NBEAL1: variants seen among roughly 807,000 people sequenced by gnomAD.
NBEAL1 encodes the protein neurobeachin like 1, also known as neurobeachin-like protein 1.
Under a neutral mutation model 351.3 loss-of-function variants are expected in NBEAL1, and 273 were observed. The ratio of observed to expected loss-of-function variants is 0.78; its 90% CI spans 0.70 to 0.86. The LOEUF (loss-of-function observed/expected upper bound fraction) is 0.86, where lower values mean the gene tolerates loss of function less well. Ranked by LOEUF, NBEAL1 falls within the 40% of genes least tolerant of loss-of-function variation. The probability of loss-of-function intolerance (pLI) is 0.00; values close to 1 mark genes in which losing one functional copy is unlikely to be tolerated. For missense variants in NBEAL1, 2,961 were observed against 3,201.3 expected (o/e 0.92, Z 1.81); for synonymous variants, 1,050 against 1,086.4 (o/e 0.97, Z 0.66).
intron 18 of NBEAL1, among the ~76,000 whole-genome samples, chr2:203,120,505 C>G (rs1266890033): frequency 2.6e-5 from 4 of 152,008 alleles, no homozygotes; most frequent in African/African-American, 9.7e-5. Flanking sequence ...TTTTAAAAGA[C>G]AAGGTTGAGC....
rs1229602888 is a variant in NBEAL1, at chr2:203,224,775, C to T, written c.*7421C>T. Reference sequence around the variant, plus strand: ...TATTTATATCTAATTATTGACTGTGCAAACTGTGACTCAGTGGATATTTGT... The same window carrying T: ...TATTTATATCTAATTATTGACTGTGTAAACTGTGACTCAGTGGATATTTGT... On this transcript the variant is annotated 3_prime_UTR_variant, in exon 56 of 56. Coordinates refer to ENST00000683969, the MANE Select transcript of NBEAL1 (RefSeq NM_001378026.1). Among the ~76,000 whole-genome samples the T allele has an allele frequency of 6.6e-6, 1 of 152,116 alleles. No homozygotes were observed. Among genetic ancestry groups the T allele is most frequent in the Non-Finnish European group, 1.5e-5 (1 of 67,990 alleles).
chr2:203,176,525 G>C (rs1038040485), intron 42 of NBEAL1, among the ~76,000 whole-genome samples: 1 of 151,936 alleles, frequency 6.6e-6, no homozygotes, highest in African/African-American at 2.4e-5. Flanking sequence ...AGAATTTCAA[G>C]ACCAGCCTGG....
intron 44 of NBEAL1, among the ~76,000 whole-genome samples, chr2:203,183,979 G>A (rs758720448): frequency 2.0e-5 from 3 of 151,376 alleles, no homozygotes; most frequent in Non-Finnish European, 2.9e-5. Context: ...TCAGGAGGCT[G>A]AGGCAGGAGA....
chr2:203,205,754 T>C (rs2065534731), intron 51 of NBEAL1, among the ~76,000 whole-genome samples: 1 of 152,042 alleles, frequency 6.6e-6, no homozygotes, highest in South Asian at 2.1e-4. Flanking sequence ...ATGCAATCTT[T>C]ACCAAATAAA....
At chr2:203,174,902 AAAATGAAAACTAT>A (rs2064449129) in intron 41 of NBEAL1, among the ~76,000 whole-genome samples, 1 of 151,612 alleles carries the variant, frequency 6.6e-6, no homozygotes, top group Non-Finnish European at 1.5e-5. Context: ...AATAAAAATA[AAAATGAAAACTAT>A]TCCAGAATTA....
At chr2:203,206,673 G>C (rs555343864) in intron 51 of NBEAL1, among the ~76,000 whole-genome samples, 1 of 151,932 alleles carries the variant, frequency 6.6e-6, no homozygotes, top group African/African-American at 2.4e-5. Flanking sequence ...CGCCAGCCTC[G>C]GCCTCCCGAG....
chr2:203,057,323 C>T lies in NBEAL1; in HGVS notation c.388-3C>T. The T allele has an allele frequency of 1.9e-6, 3 of 1,544,124 alleles. No homozygotes were observed. Among genetic ancestry groups the T allele is most frequent in the Non-Finnish European group, 2.6e-6 (3 of 1,142,538 alleles). ...TTTAATTTATGTTTAACTTTGTTCT[C>T]AGTTAAAAAGCAAAAAAAAAGAGAA... On this transcript the variant is annotated splice_region_variant and splice_polypyrimidine_tract_variant and intron_variant, in intron 5 of 55. Transcript: ENST00000683969.
rs117804973 is a variant in NBEAL1, at chr2:203,145,475, G to A, written c.5304+315G>A. On this transcript the variant is annotated intron_variant, in intron 33 of 55. Transcript: ENST00000683969. ...AATGTTTATATTAGAAAAGAAAAAG[G>A]CATCAAATTTTAAGTTTCTACCTTA... Among the ~76,000 whole-genome samples, 27 of 152,172 alleles carry A rather than the reference G, an allele frequency of 1.8e-4. 1 individual carries two copies. In the East Asian group the frequency reaches 5.0e-3, roughly 28 times the overall value.
At position 203,135,887 on chromosome 2, in the gene NBEAL1, G is replaced by A. The variant is rs1267574529; in HGVS notation, c.4024G>A (p.Glu1342Lys). 2 of 1,614,036 alleles carry A rather than the reference G, an allele frequency of 1.2e-6. No homozygotes were observed. The highest frequency in any genetic ancestry group is 1.7e-6 in the Non-Finnish European group (2 of 1,179,964). ...GAAGAACTCTGATGAAAAAACAGAT[G>A]AGGAAAAAATCACCTCTTTTGCCTC... ...TKKNSDEKTD[E>K]EKITSFASAN... is the part of the protein sequence containing the mutation. The change falls in exon 28 of 56, where the codon GAG becomes AAG. Residue 1342 changes from glutamate (E) to lysine (K), a missense_variant. Glu to Lys is a moderately conservative substitution (Grantham distance 56). Transcript: ENST00000683969.
Position 203,113,019 on chromosome 2 carries a change from T to C in NBEAL1, c.2207T>C (p.Phe736Ser), listed in dbSNP as rs910807226. 6 of 1,459,778 alleles carry C rather than the reference T, an allele frequency of 4.1e-6. No homozygotes were observed. Among genetic ancestry groups the C allele is most frequent in the Non-Finnish European group, 5.4e-6 (6 of 1,102,436 alleles). The allele number at this position is 1,459,778 out of a possible 1,614,324, so 90.4% of individuals were successfully genotyped here. A position where few individuals can be genotyped will look rare whatever the true frequency, so the allele number is the denominator to read the frequency against. The change falls in exon 17 of 56, where the codon TTT (phenylalanine) becomes TCT (serine). Residue 736 changes from phenylalanine to serine, a missense_variant. Physicochemically the swap from Phe to Ser is radical, Grantham distance 155. Coordinates refer to ENST00000683969, the MANE Select transcript of NBEAL1 (RefSeq NM_001378026.1). ...AATTTGTTTGTTTGTTTTTAGCCCTTTACTTCCTGTTGCATTGGTTCAGCT... is the reference window on the plus strand; with the variant it reads ...AATTTGTTTGTTTGTTTTTAGCCCTCTACTTCCTGTTGCATTGGTTCAGCT... Reference protein sequence around the residue: ...PLRFPAMNEPFTSCCIGSAGQ... With the variant: ...PLRFPAMNEPSTSCCIGSAGQ...
At chr2:203,023,897 G>C (rs2105998728) in intron 2 of NBEAL1, among the ~76,000 whole-genome samples, 1 of 152,304 alleles carries the variant, frequency 6.6e-6, no homozygotes, top group East Asian at 1.9e-4. Context: ...GAAGAAGACA[G>C]AGTTTTGGAA....
At chr2:203,186,951 A>T (rs1280803376) in intron 44 of NBEAL1, among the ~76,000 whole-genome samples, 1 of 152,188 alleles carries the variant, frequency 6.6e-6, no homozygotes, top group Non-Finnish European at 1.5e-5. Context: ...AATCTTTCTG[A>T]GGTCTCAACA....
At position 203,223,679 on chromosome 2, in the gene NBEAL1, G is replaced by A. The variant is rs2065979226; in HGVS notation, c.*6325G>A. Among the ~76,000 whole-genome samples the A allele has an allele frequency of 6.6e-6, 1 of 151,954 alleles. No individual in the cohort carries two copies. The highest frequency in any genetic ancestry group is 1.5e-5 in the Non-Finnish European group (1 of 67,906). ...TTTTGGTAATATTTCAACTTAAGAT[G>A]TATTAAAACTAGCAATTCTGTGGTA... On this transcript the variant is annotated 3_prime_UTR_variant, in exon 56 of 56. Transcript: ENST00000683969.
rs559150782 is a variant in NBEAL1, at chr2:203,142,167, T to G, written c.4849-2433T>G. On this transcript the variant is annotated intron_variant, in intron 31 of 55. Transcript: ENST00000683969. ...AGACTAGGGCATCAGTATTTTTTTT[T>G]GTTTTTGAGACAGAGTCTTGCTCTT... is the stretch of plus-strand genomic sequence containing the variant. 2.0e-5 allele frequency among the ~76,000 whole-genome samples: 3 copies of G among 152,248 alleles called. No individual in the cohort carries two copies. In the East Asian group the frequency reaches 5.8e-4, roughly 29 times the overall value.
chr2:203,140,522 T>C (rs951232687), intron 31 of NBEAL1, among the ~76,000 whole-genome samples: 7 of 152,096 alleles, frequency 4.6e-5, no homozygotes, highest in East Asian at 1.9e-4. Context: ...GGTTTTTTTT[T>C]CCTTTCATCC....
intron 19 of NBEAL1, among the ~76,000 whole-genome samples, chr2:203,124,891 AAACTTTG>A (rs1233206169): frequency 6.6e-6 from 1 of 152,230 alleles, no homozygotes; most frequent in Non-Finnish European, 1.5e-5. Context: ...AAAATATCCA[AAACTTTG>A]AACTTTGCCT....
At chr2:203,194,024 A>G in intron 47 of NBEAL1, 113 bp downstream of exon 47, 1 of 557,230 alleles carries the variant, frequency 1.8e-6, no homozygotes, top group Non-Finnish European at 3.1e-6. Flanking sequence ...TCAAGATAGT[A>G]AATTATACTG....
intron 26 of NBEAL1, among the ~76,000 whole-genome samples, chr2:203,132,549 T>A (rs1389596293): frequency 6.6e-6 from 1 of 152,212 alleles, no homozygotes; most frequent in East Asian, 1.9e-4. Flanking sequence ...CAGGTTGGTG[T>A]GCAGTGGCTA....
At position 203,144,847 on chromosome 2, in the gene NBEAL1, T is replaced by C. The variant is rs750412755; in HGVS notation, c.5096T>C (p.Phe1699Ser). ...LPFTNGSSSF[F>S]EDFQEYCNSN... ...TTTACCAATGGTAGCTCCTCATTTT[T>C]TGAAGATTTTCAAGAATATTGTAAT... Residue 1699 changes from phenylalanine (F) to serine (S), a missense_variant, in exon 32 of 56, where the codon TTT becomes TCT. Coordinates refer to ENST00000683969, the MANE Select transcript of NBEAL1 (RefSeq NM_001378026.1). The C allele has an allele frequency of 1.9e-6, 3 of 1,610,916 alleles. No homozygotes were observed. The highest frequency in any genetic ancestry group is 2.7e-5 in the African/African-American group (2 of 74,696).
Sources: gnomAD v4.1 joint callset for allele counts (sites outside exome capture counted in the v4.1 genomes callset) on GRCh38, gnomAD v4.1.1 for gene constraint, MANE v1.5 for transcripts, NCBI Gene and HGNC (gene_info 2026-07-23, HGNC 2026-07-21) for gene names.